Variants in ATP2C1 observed in about 807,000 individuals in gnomAD.
ATP2C1 encodes calcium-transporting ATPase type 2C member 1.
In ATP2C1, 31 loss-of-function variants were observed where a neutral mutation model predicts 120.5. The ratio of observed to expected loss-of-function variants is 0.26; its 90% CI spans 0.19 to 0.35. The LOEUF (loss-of-function observed/expected upper bound fraction) is 0.35. ATP2C1 is among the 10% of genes least tolerant of loss of function. The pLI, the probability that ATP2C1 is intolerant of heterozygous loss-of-function variation, is 1.00. For synonymous variants in ATP2C1, 351 were observed against 358.7 expected (o/e 0.98, Z 0.24); for missense variants, 731 against 1,107.5 (o/e 0.66, Z 4.83).
chr3:130,997,879 G>C (rs953667370), intron 25 of ATP2C1, 126 bp downstream of exon 25: 1 of 951,132 alleles, frequency 1.1e-6, no homozygotes, highest in African/African-American at 1.6e-5. Flanking sequence ...AAAAATATAA[G>C]AACATTTTAA....
Position 130,996,194 on chromosome 3 carries a change from T to C in ATP2C1, c.2126+83T>C, listed in dbSNP as rs564033416. 4 of 984,492 alleles carry C rather than the reference T, an allele frequency of 4.1e-6. No homozygotes were observed. In the South Asian group the frequency reaches 5.2e-5, roughly 13 times the overall value. 61.0% of individuals were successfully genotyped at this position (984,492 alleles called of 1,614,324 possible). ...GAACTTAAGCAGAATGCCTAGAAAC[T>C]TCTCTGCCTTATATTTGTGAGCATT... is the stretch of plus-strand genomic sequence containing the variant. On this transcript the variant is annotated intron_variant, in intron 23 of 27. Transcript: ENST00000510168.
intron 1 of ATP2C1, among the ~76,000 whole-genome samples, chr3:130,858,619 A>G (rs1318353054): frequency 1.3e-5 from 2 of 152,230 alleles, no homozygotes; most frequent in Non-Finnish European, 2.9e-5. Context: ...AGTGCCTGAC[A>G]GATGGAAGGC....
At chr3:130,993,849 G>A in intron 21 of ATP2C1, 83 bp from the exon 22 acceptor site, 2 of 1,376,616 alleles carry the variant, frequency 1.5e-6, no homozygotes, top group East Asian at 4.7e-5. Context: ...GAAAAAAATA[G>A]GGAGGATTTG....
chr3:131,010,812 C>T (rs1293536050), intron 26 of ATP2C1, among the ~76,000 whole-genome samples: 1 of 152,136 alleles, frequency 6.6e-6, no homozygotes, highest in Non-Finnish European at 1.5e-5. Context: ...GCTCTTAAAC[C>T]TGTGGCAACT....
chr3:130,887,526 C>T (rs2069015818), intron 1 of ATP2C1, among the ~76,000 whole-genome samples: 2 of 152,208 alleles, frequency 1.3e-5, no homozygotes, highest in African/African-American at 4.8e-5. Context: ...TGTAGCTAAG[C>T]TGGCACTTAA....
intron 2 of ATP2C1, chr3:130,914,445 G>C (rs1429792548): frequency 6.6e-6 from 1 of 152,006 alleles, no homozygotes. Context: ...ACTGCCTTCA[G>C]ACCAGCCAAG....
At chr3:130,958,744 T>A (rs540370411) in intron 11 of ATP2C1, among the ~76,000 whole-genome samples, 1 of 152,192 alleles carries the variant, frequency 6.6e-6, no homozygotes, top group Non-Finnish European at 1.5e-5. Flanking sequence ...TTTTAGATGT[T>A]AATGCAGTTG....
At chr3:130,887,703 G>A (rs2069021908) in intron 1 of ATP2C1, among the ~76,000 whole-genome samples, 1 of 151,938 alleles carries the variant, frequency 6.6e-6, no homozygotes, top group Non-Finnish European at 1.5e-5. Flanking sequence ...ATGCTGCCAG[G>A]CTTGGACATA....
chr3:130,894,149 T>TGGGCC lies in ATP2C1; in HGVS notation c.-369_-368insGGGCC. The TGGGCC allele has an allele frequency of 1.4e-6, 1 of 694,852 alleles. No homozygotes were observed. 43.0% of individuals were successfully genotyped at this position (694,852 alleles called of 1,614,324 possible). On this transcript the variant is annotated 5_prime_UTR_variant, in exon 1 of 28. Transcript: ENST00000510168. The surrounding 1 kb of genome is among the most constrained non-coding windows in gnomAD (Gnocchi z 4.5). ...ACGGGTCCCCTCACCTCCTCTTCTC[T>TGGGCC]CCCCTCCCCGCCCGCCCTCTCTCCC... is the stretch of plus-strand genomic sequence containing the variant.
intron 8 of ATP2C1, among the ~76,000 whole-genome samples, chr3:130,952,462 A>T (rs1166161340): frequency 1.3e-5 from 2 of 152,154 alleles, no homozygotes; most frequent in African/African-American, 2.4e-5. Context: ...GAACCATTTG[A>T]AAAGATGTAA....
chr3:130,861,300 A>C (rs1379781219), intron 1 of ATP2C1, among the ~76,000 whole-genome samples: 1 of 152,070 alleles, frequency 6.6e-6, no homozygotes, highest in Non-Finnish European at 1.5e-5. Flanking sequence ...CTAGGAGGTG[A>C]GGTATTTATT....
chr3:130,957,292 T>C (rs1333030166), intron 11 of ATP2C1, among the ~76,000 whole-genome samples: 2 of 151,792 alleles, frequency 1.3e-5, no homozygotes, highest in South Asian at 2.1e-4. Flanking sequence ...TATTAAAACA[T>C]TGTTGTATAG....
chr3:130,965,575 C>T (rs1489757000), intron 14 of ATP2C1, among the ~76,000 whole-genome samples: 2 of 152,076 alleles, frequency 1.3e-5, no homozygotes, highest in African/African-American at 4.8e-5. Flanking sequence ...TTATTTTCTC[C>T]TCTACCCTTA....
chr3:130,954,881 AATCTTAGGAGTGTGTATGTTAG>A, intron 9 of ATP2C1, 109 bp from the exon 10 acceptor site: 1 of 700,430 alleles, frequency 1.4e-6, no homozygotes, highest in South Asian at 1.6e-5. Context: ...TTGCTGAGGA[AATCTTAGGAGTGTGTATGTTAG>A]ACATCTTCAC....
At chr3:130,900,027 A>G (rs1467609215) in intron 2 of ATP2C1, among the ~76,000 whole-genome samples, 1 of 152,032 alleles carries the variant, frequency 6.6e-6, no homozygotes, top group Admixed American at 6.6e-5. Context: ...TTAATTTAGT[A>G]TGACATCCTT....
chr3:130,928,478 A>G (rs2059313295), intron 2 of ATP2C1, among the ~76,000 whole-genome samples: 1 of 152,220 alleles, frequency 6.6e-6, no homozygotes, highest in African/African-American at 2.4e-5. Context: ...ATTAGTTGAG[A>G]AACATTTTAT....
At chr3:131,009,080 T>C (rs1201835406) in intron 26 of ATP2C1, among the ~76,000 whole-genome samples, 3 of 152,228 alleles carry the variant, frequency 2.0e-5, no homozygotes, top group African/African-American at 4.8e-5. Context: ...TTCTACCTCT[T>C]GGATGCACAA....
At chr3:130,898,405 G>A (rs1457468798) in intron 2 of ATP2C1, among the ~76,000 whole-genome samples, 1 of 152,130 alleles carries the variant, frequency 6.6e-6, no homozygotes, top group East Asian at 1.9e-4. Context: ...AGGGAAAAAG[G>A]GATGAGAAGC....
chr3:130,939,228 A>T (rs964859986), intron 6 of ATP2C1, among the ~76,000 whole-genome samples: 61 of 152,336 alleles, frequency 4.0e-4, no homozygotes, highest in African/African-American at 1.4e-3. Flanking sequence ...TCAAAAATGT[A>T]TAAAAAATTC....
Sources: allele counts gnomAD v4.1 joint callset (sites outside exome capture counted in the v4.1 genomes callset), GRCh38; gene constraint gnomAD v4.1.1; non-coding constraint Gnocchi (gnomAD v3.1); transcripts MANE v1.5; gene names NCBI Gene and HGNC (gene_info 2026-07-23, HGNC 2026-07-21).